Variants in STPG2 observed in about 807,000 individuals in gnomAD.
The protein encoded by STPG2 is sperm tail PG-rich repeat containing 2, also known as sperm-tail PG-rich repeat-containing protein 2.
A neutral mutation model predicts 54.2 loss-of-function variants in STPG2; 56 were observed. The observed-to-expected ratio is 1.03, with a 90% CI of 0.83 to 1.29. The LOEUF is 1.29. Ranked by LOEUF, STPG2 falls within the 50% of genes most tolerant of loss-of-function variation. The pLI is 0.00. For missense variants in STPG2, 596 were observed against 544.9 expected (o/e 1.09, Z -0.93); for synonymous variants, 200 against 181.8 (o/e 1.10, Z -0.81).
intron 10 of STPG2, among the ~76,000 whole-genome samples, chr4:97,672,241 T>C (rs1257413542): frequency 1.4e-5 from 2 of 146,510 alleles, no homozygotes; most frequent in African/African-American, 5.0e-5. Flanking sequence ...TGGCACCATC[T>C]TGGCTAACTG....
intron 8 of STPG2, among the ~76,000 whole-genome samples, chr4:97,856,384 T>A (rs967082727): frequency 6.6e-6 from 1 of 152,208 alleles, no homozygotes; most frequent in African/African-American, 2.4e-5. Context: ...ACTTCCCATG[T>A]TAGCTGTATT....
intron 9 of STPG2, among the ~76,000 whole-genome samples, chr4:97,744,141 A>T (rs1474143319): frequency 6.6e-6 from 1 of 151,522 alleles, no homozygotes; most frequent in Admixed American, 6.6e-5. Context: ...CTTAAATCAC[A>T]TCTTTCCACA....
chr4:97,924,755 T>C (rs1327757610), intron 8 of STPG2, among the ~76,000 whole-genome samples: 1 of 152,216 alleles, frequency 6.6e-6, no homozygotes, highest in Admixed American at 6.5e-5. Context: ...TACCATATTA[T>C]AACATATGTA....
chr4:97,686,005 T>G (rs1723178458), intron 10 of STPG2, among the ~76,000 whole-genome samples: 1 of 152,196 alleles, frequency 6.6e-6, no homozygotes, highest in South Asian at 2.1e-4. Context: ...TTTGTATAAT[T>G]GAATTGTAGA....
chr4:97,828,285 G>A (rs899852177), intron 9 of STPG2, among the ~76,000 whole-genome samples: 2 of 152,152 alleles, frequency 1.3e-5, no homozygotes, highest in East Asian at 1.9e-4. Flanking sequence ...AGTGCAAGGG[G>A]TTGAGGAATT....
At chr4:97,809,868 A>T (rs1459195918) in intron 9 of STPG2, among the ~76,000 whole-genome samples, 2 of 152,150 alleles carry the variant, frequency 1.3e-5, no homozygotes, top group Non-Finnish European at 2.9e-5. Context: ...TGTTGGTTTA[A>T]GCCACTGTAT....
chr4:98,111,741 T>C (rs1428491301), intron 3 of STPG2, among the ~76,000 whole-genome samples: 1 of 152,104 alleles, frequency 6.6e-6, no homozygotes, highest in East Asian at 1.9e-4. Context: ...CCAGAATAGA[T>C]AGGCATTTGA....
chr4:97,513,843 T>G (rs946252414), intron 4 of STPG2, among the ~76,000 whole-genome samples: 1 of 152,066 alleles, frequency 6.6e-6, no homozygotes, highest in Non-Finnish European at 1.5e-5. Flanking sequence ...GTTTTCATGA[T>G]AAGAAACTAT....
chr4:97,736,532 A>T (rs540572024), intron 9 of STPG2, among the ~76,000 whole-genome samples: 53 of 152,302 alleles, frequency 3.5e-4, no homozygotes, highest in African/African-American at 1.3e-3. Flanking sequence ...CAACGGGCTT[A>T]AAAAACGGCA....
At chr4:97,750,402 T>C (rs950732234) in intron 9 of STPG2, among the ~76,000 whole-genome samples, 4 of 151,816 alleles carry the variant, frequency 2.6e-5, no homozygotes, top group Non-Finnish European at 5.9e-5. Flanking sequence ...ATATATTATC[T>C]AGCATTTTTA....
At chr4:98,081,539 T>A (rs1436312555) in intron 5 of STPG2, among the ~76,000 whole-genome samples, 1 of 152,184 alleles carries the variant, frequency 6.6e-6, no homozygotes, top group South Asian at 2.1e-4. Flanking sequence ...GAAATAACCA[T>A]GAGAATTTCT....
chr4:97,507,401 G>A (rs1026967362), intron 4 of STPG2, among the ~76,000 whole-genome samples: 1 of 151,944 alleles, frequency 6.6e-6, no homozygotes, highest in Non-Finnish European at 1.5e-5. Context: ...TTGACAAAAC[G>A]AAAATAATGA....
At chr4:97,752,237 A>G (rs772649349) in intron 9 of STPG2, among the ~76,000 whole-genome samples, 2 of 151,730 alleles carry the variant, frequency 1.3e-5, no homozygotes, top group African/African-American at 2.4e-5. Context: ...ATTAATATTT[A>G]CTATAAGCAT....
chr4:97,464,028 G>C (rs890276535), intron 4 of STPG2, among the ~76,000 whole-genome samples: 3 of 152,038 alleles, frequency 2.0e-5, no homozygotes, highest in Admixed American at 1.3e-4. Context: ...ACAACATCTT[G>C]GTTTCTTCAA....
At chr4:97,723,603 C>G (rs1724523222) in intron 9 of STPG2, among the ~76,000 whole-genome samples, 1 of 152,100 alleles carries the variant, frequency 6.6e-6, no homozygotes, top group Non-Finnish European at 1.5e-5. Flanking sequence ...AGGATCTAAT[C>G]TTATTTTCTC....
chr4:97,833,233 T>C (rs1014358797), intron 9 of STPG2, among the ~76,000 whole-genome samples: 1 of 152,024 alleles, frequency 6.6e-6, no homozygotes, highest in African/African-American at 2.4e-5. Flanking sequence ...AGATCTTTGA[T>C]AAACCTGACA....
At chr4:97,865,838 T>C (rs1251644289) in intron 8 of STPG2, among the ~76,000 whole-genome samples, 10 of 151,810 alleles carry the variant, frequency 6.6e-5, no homozygotes, top group Non-Finnish European at 1.2e-4. Context: ...ACCCTAGACC[T>C]TAAAGTATAA....
intron 10 of STPG2, among the ~76,000 whole-genome samples, chr4:97,691,730 A>G (rs1432964635): frequency 6.6e-6 from 1 of 152,186 alleles, no homozygotes; most frequent in Non-Finnish European, 1.5e-5. Context: ...TCCTGGCTGG[A>G]GGCAAAACGA....
At chr4:97,920,293 T>C (rs1304223050) in intron 8 of STPG2, among the ~76,000 whole-genome samples, 4 of 152,144 alleles carry the variant, frequency 2.6e-5, no homozygotes, top group Non-Finnish European at 5.9e-5. Flanking sequence ...ACTCACAAAA[T>C]TTTTGCCTCT....
Sources: allele counts gnomAD v4.1 joint callset (sites outside exome capture counted in the v4.1 genomes callset), GRCh38; gene constraint gnomAD v4.1.1; transcripts MANE v1.5; gene names NCBI Gene and HGNC (gene_info 2026-07-23, HGNC 2026-07-21).